PDE11A: variants seen among roughly 807,000 people sequenced by gnomAD.
PDE11A encodes the protein phosphodiesterase 11A.
A neutral mutation model predicts 100.5 loss-of-function variants in PDE11A; 100 were observed. The ratio of observed to expected loss-of-function variants is 1.00; its 90% CI spans 0.85 to 1.18. PDE11A has a LOEUF of 1.18. PDE11A is among the 50% of genes most tolerant of loss of function. The pLI, the probability that PDE11A is intolerant of heterozygous loss-of-function variation, is 0.00. For missense variants in PDE11A, 1,141 were observed against 1,152.6 expected (o/e 0.99, Z 0.15); for synonymous variants, 381 against 420.8 (o/e 0.91, Z 1.16).
intron 19 of PDE11A, among the ~76,000 whole-genome samples, chr2:177,632,650 T>G (rs996485884): frequency 6.6e-6 from 1 of 152,210 alleles, no homozygotes; most frequent in Admixed American, 6.5e-5. Flanking sequence ...GACTTCTTCT[T>G]GAGTCTATTT....
chr2:177,879,060 A>G (rs541647023), intron 4 of PDE11A, among the ~76,000 whole-genome samples: 27 of 152,324 alleles, frequency 1.8e-4, no homozygotes, highest in African/African-American at 5.5e-4. Flanking sequence ...ATTCTCCAAT[A>G]TTAATAAGAA....
intron 12 of PDE11A, chr2:177,723,406 A>G (rs1186311613): frequency 3.9e-5 from 6 of 152,302 alleles, no homozygotes; most frequent in East Asian, 3.9e-4. Flanking sequence ...CTTGGTTATT[A>G]TTAGTGTTTA....
In PDE11A at chr2:177,629,157, C is replaced by T; in HGVS notation, c.*250G>A. On this transcript the variant is annotated 3_prime_UTR_variant, in exon 20 of 20. Coordinates refer to ENST00000286063, the MANE Select transcript of PDE11A (RefSeq NM_016953.4). ...AGTCCCCTACCCAGAGCCTTCATTTCAGCCCATGCGTGTTCATTAGGGAAA... is the reference window on the plus strand; with the variant it reads ...AGTCCCCTACCCAGAGCCTTCATTTTAGCCCATGCGTGTTCATTAGGGAAA... 1.9e-6 allele frequency: 1 copy of T among 529,076 alleles called. No individual in the cohort carries two copies. Among genetic ancestry groups the T allele is most frequent in the Non-Finnish European group, 3.4e-6 (1 of 292,968 alleles). The allele number at this position is 529,076 out of a possible 1,614,324, so 32.8% of individuals were successfully genotyped here.
chr2:177,875,680 G>A (rs1467767622), intron 5 of PDE11A, among the ~76,000 whole-genome samples, 179 bp downstream of exon 5: 1 of 151,966 alleles, frequency 6.6e-6, no homozygotes, highest in Non-Finnish European at 1.5e-5. Flanking sequence ...GCGCCTGGCC[G>A]TATATGCATT....
At chr2:177,954,952 A>G (rs574931197) in intron 2 of PDE11A, among the ~76,000 whole-genome samples, 15 of 152,302 alleles carry the variant, frequency 9.8e-5, no homozygotes, top group African/African-American at 3.6e-4. Flanking sequence ...ACCCTAAAGC[A>G]TGCAAGACAT....
intron 1 of PDE11A, among the ~76,000 whole-genome samples, chr2:178,020,913 T>G (rs2086400281): frequency 6.7e-6 from 1 of 150,008 alleles, no homozygotes; most frequent in African/African-American, 2.5e-5. Flanking sequence ...GTTTTTTTGT[T>G]TTTTTGTCTT....
chr2:178,101,353 T>C (rs2087557184), intron 2 of PDE11A, among the ~76,000 whole-genome samples: 1 of 152,184 alleles, frequency 6.6e-6, no homozygotes, highest in African/African-American at 2.4e-5. Context: ...TTCTGAGTCA[T>C]TTATCTGTGG....
chr2:177,925,689 C>T (rs2085116292), intron 2 of PDE11A, among the ~76,000 whole-genome samples: 1 of 152,194 alleles, frequency 6.6e-6, no homozygotes, highest in Non-Finnish European at 1.5e-5. Context: ...ATACACACAG[C>T]TACCAAGAAG....
intron 2 of PDE11A, among the ~76,000 whole-genome samples, chr2:177,927,913 T>C (rs2085151840): frequency 6.6e-6 from 1 of 152,102 alleles, no homozygotes; most frequent in African/African-American, 2.4e-5. Context: ...GAGATCAGCC[T>C]GACCAACATG....
At chr2:177,900,721 G>A (rs1558998025) in intron 3 of PDE11A, among the ~76,000 whole-genome samples, 1 of 151,970 alleles carries the variant, frequency 6.6e-6, no homozygotes, top group Non-Finnish European at 1.5e-5. Context: ...TCACGCCACT[G>A]CACTACAGCC....
intron 13 of PDE11A, among the ~76,000 whole-genome samples, chr2:177,704,247 C>T (rs1296633974): frequency 3.3e-5 from 5 of 152,154 alleles, no homozygotes. Context: ...AGGAATTTTT[C>T]TCTGATCAAC....
At chr2:177,947,038 A>G (rs866091040) in intron 2 of PDE11A, among the ~76,000 whole-genome samples, 6 of 106,594 alleles carry the variant, frequency 5.6e-5, no homozygotes, top group African/African-American at 7.2e-5. Context: ...CCGCCCGGCC[A>G]GCCGCCCCGT....
chr2:178,042,445 T>G (rs1171247861), intron 1 of PDE11A, among the ~76,000 whole-genome samples: 4 of 150,828 alleles, frequency 2.7e-5, no homozygotes, highest in African/African-American at 9.8e-5. Context: ...ATCACTGCTT[T>G]CTAGCCTTGG....
intron 9 of PDE11A, among the ~76,000 whole-genome samples, chr2:177,803,301 A>G (rs1052722595): frequency 2.0e-5 from 3 of 148,572 alleles, no homozygotes; most frequent in East Asian, 3.9e-4. Context: ...TATAAAAAAA[A>G]TCTCCTAACA....
Position 177,776,213 on chromosome 2 carries a change from A to G in PDE11A, c.1738-6840T>C, listed in dbSNP as rs566399767. Among the ~76,000 whole-genome samples the G allele has an allele frequency of 1.3e-4, 20 of 152,308 alleles. No homozygotes were observed. The East Asian group carries it at 3.5e-3, about 26-fold the overall frequency. ...AGAGGACACCCACAGTTAAACTTGA[A>G]TTTCAGATCAGCAATAAATATTTTC... is the stretch of plus-strand genomic sequence containing the variant. On this transcript the variant is annotated intron_variant, in intron 9 of 19. Coordinates refer to ENST00000286063, the MANE Select transcript of PDE11A (RefSeq NM_016953.4).
chr2:177,833,444 G>A (rs1326817698), intron 6 of PDE11A, among the ~76,000 whole-genome samples: 1 of 152,168 alleles, frequency 6.6e-6, no homozygotes, highest in Non-Finnish European at 1.5e-5. Context: ...CTGTTGCCTA[G>A]GCAGACCCTC....
At chr2:177,736,375 T>G (rs2081782674) in intron 10 of PDE11A, among the ~76,000 whole-genome samples, 1 of 151,714 alleles carries the variant, frequency 6.6e-6, no homozygotes, top group South Asian at 2.1e-4. Flanking sequence ...AATACAAAAA[T>G]TAGCTGGGTG....
rs186060430 is a variant in PDE11A, at chr2:177,924,516, A to G, written c.1072-19329T>C. Among the ~76,000 whole-genome samples, 221 of 152,326 alleles carry G rather than the reference A, an allele frequency of 1.5e-3. 1 individual carries two copies. Among genetic ancestry groups the G allele is most frequent in the African/African-American group, 5.2e-3 (216 of 41,578 alleles). ...GAGAAGGCCATCACTCAAGGAATTT[A>G]TAAGATCCAGTGTCAAATCATGAAG... On this transcript the variant is annotated intron_variant, in intron 2 of 19. Transcript: ENST00000286063.
At chr2:177,728,309 C>A in intron 10 of PDE11A, 137 bp from the exon 11 acceptor site, 1 of 688,310 alleles carries the variant, frequency 1.5e-6, no homozygotes. Flanking sequence ...CAGCTAAACT[C>A]TGAGCTGTAA....
Sources: allele counts gnomAD v4.1 joint callset (sites outside exome capture counted in the v4.1 genomes callset), GRCh38; gene constraint gnomAD v4.1.1; transcripts MANE v1.5; gene names NCBI Gene and HGNC (gene_info 2026-07-23, HGNC 2026-07-21).